Variants in TRAK2 observed in about 807,000 individuals in gnomAD.
TRAK2 encodes the protein trafficking kinesin protein 2.
Under a neutral mutation model 104.6 loss-of-function variants are expected in TRAK2, and 81 were observed. The observed-to-expected ratio is 0.77, with a 90% CI of 0.65 to 0.93. The LOEUF (loss-of-function observed/expected upper bound fraction) is 0.93. Among genes scored for constraint, TRAK2 ranks in the 40% least tolerant of loss-of-function variants. The probability of loss-of-function intolerance (pLI) is 0.00; values close to 1 mark genes in which losing one functional copy is unlikely to be tolerated. For synonymous variants in TRAK2, 406 were observed against 394.4 expected (o/e 1.03, Z -0.35); for missense variants, 1,002 against 1,089.0 (o/e 0.92, Z 1.12).
chr2:201,424,671 C>T (rs935267741), intron 1 of TRAK2, among the ~76,000 whole-genome samples: 10 of 151,758 alleles, frequency 6.6e-5, no homozygotes, highest in East Asian at 1.9e-4. Flanking sequence ...GGCACAATCT[C>T]GGCTCACTGC....
rs112231348 is a variant in TRAK2 at position 201,392,430 on chromosome 2, A to C, written c.1113+479T>G. Among the ~76,000 whole-genome samples, 960 of 152,320 alleles carry C rather than the reference A, an allele frequency of 6.3e-3. 13 individuals are homozygous for C. Among genetic ancestry groups the C allele is most frequent in the African/African-American group, 0.021 (888 of 41,584 alleles). On this transcript the variant is annotated intron_variant, in intron 10 of 15. Coordinates refer to ENST00000332624, the MANE Select transcript of TRAK2 (RefSeq NM_015049.3). ...TTACAAATTCTAATATAAACTCAGAAGTTTTTATTAATTTTTTAATACAAA... is the reference window on the plus strand; with the variant it reads ...TTACAAATTCTAATATAAACTCAGACGTTTTTATTAATTTTTTAATACAAA...
chr2:201,386,999 T>C (rs1951397606), intron 13 of TRAK2, among the ~76,000 whole-genome samples: 1 of 152,232 alleles, frequency 6.6e-6, no homozygotes. Flanking sequence ...AGATGCAATG[T>C]CTAATTATGT....
chr2:201,400,474 GA>G (rs746410691), intron 4 of TRAK2, among the ~76,000 whole-genome samples: 1 of 151,998 alleles, frequency 6.6e-6, no homozygotes. Flanking sequence ...GCTGGGGGGA[GA>G]GGGGAGAAGG....
intron 2 of TRAK2, chr2:201,412,434 A>G (rs1951655875): frequency 1.6e-6 from 2 of 1,254,328 alleles, no homozygotes; most frequent in South Asian, 2.4e-5. Flanking sequence ...GTATATTTAT[A>G]AGTGAACTAG....
chr2:201,430,689 T>TA (rs1431730922), intron 1 of TRAK2, among the ~76,000 whole-genome samples: 1 of 152,206 alleles, frequency 6.6e-6, no homozygotes, highest in Non-Finnish European at 1.5e-5. Context: ...AGCGCAGTAC[T>TA]AGGGTGGGAG....
At chr2:201,449,382 A>G (rs1190494937) in intron 1 of TRAK2, among the ~76,000 whole-genome samples, 2 of 152,038 alleles carry the variant, frequency 1.3e-5, no homozygotes, top group Non-Finnish European at 2.9e-5. Flanking sequence ...TGAGCCTCAG[A>G]TTAGTGTGAT....
intron 2 of TRAK2, among the ~76,000 whole-genome samples, chr2:201,409,750 C>T (rs902551645): frequency 6.6e-6 from 1 of 152,188 alleles, no homozygotes; most frequent in Non-Finnish European, 1.5e-5. Context: ...TTCTCACTGT[C>T]ATCTTAAATG....
chr2:201,392,927 T>C lies in TRAK2; in HGVS notation c.1095A>G (p.Ser365=). ...TGCTTACCCCAGTAAAAGCTCCATATGATTGGGAGAAGTAGAGATGAGCAG... is the reference window on the plus strand; with the variant it reads ...TGCTTACCCCAGTAAAAGCTCCATACGATTGGGAGAAGTAGAGATGAGCAG... ...GPTAHLYFSQ[S]YGAFTGESLA... is the part of the protein sequence containing the mutation. Residue 365 remains serine, a synonymous_variant, in exon 10 of 16, where the codon TCA becomes TCG. Transcript: ENST00000332624. 1 of 1,612,256 alleles carries C rather than the reference T, an allele frequency of 6.2e-7. No individual in the cohort carries two copies. Among genetic ancestry groups the C allele is most frequent in the Non-Finnish European group, 8.5e-7 (1 of 1,179,418 alleles).
intron 2 of TRAK2, chr2:201,410,703 C>G: frequency 1.4e-6 from 2 of 1,389,428 alleles, no homozygotes; most frequent in East Asian, 2.3e-5. Flanking sequence ...CTGAACTGCC[C>G]GTAGCTGGAG....
At chr2:201,449,750 A>C (rs1036008654) in intron 1 of TRAK2, among the ~76,000 whole-genome samples, 1 of 151,760 alleles carries the variant, frequency 6.6e-6, no homozygotes, top group African/African-American at 2.4e-5. Context: ...GGTTCAAGCA[A>C]TTCTTCTGCC....
intron 9 of TRAK2, among the ~76,000 whole-genome samples, chr2:201,393,780 C>T (rs1369440592): frequency 6.6e-6 from 1 of 152,194 alleles, no homozygotes; most frequent in Non-Finnish European, 1.5e-5. Flanking sequence ...CAAGATATCA[C>T]TCTGTTGCCC....
rs1951314347 is a variant in TRAK2 at position 201,379,104 on chromosome 2, C to G, written c.*1439G>C. ...ATTAGTCCCCTCTCTCATCTTTTCTCTATCATGTCTTTTGTATAAAGACAT... is the reference window on the plus strand; with the variant it reads ...ATTAGTCCCCTCTCTCATCTTTTCTGTATCATGTCTTTTGTATAAAGACAT... On this transcript the variant is annotated 3_prime_UTR_variant, in exon 16 of 16. Coordinates refer to ENST00000332624, the MANE Select transcript of TRAK2 (RefSeq NM_015049.3). The G allele has an allele frequency of 6.6e-6, 1 of 152,204 alleles. No homozygotes were observed. The highest frequency in any genetic ancestry group is 2.4e-5 in the African/African-American group (1 of 41,452). The allele number at this position is 152,204 out of a possible 1,614,324, so 9.4% of individuals were successfully genotyped here. A position where few individuals can be genotyped will look rare whatever the true frequency, so the allele number is the denominator to read the frequency against.
chr2:201,390,272 C>T (rs1043120757), intron 10 of TRAK2, among the ~76,000 whole-genome samples: 4 of 151,198 alleles, frequency 2.6e-5, no homozygotes, highest in Admixed American at 1.3e-4. Flanking sequence ...TGGCCGGGTG[C>T]GGTGGCTCAC....
intron 12 of TRAK2, among the ~76,000 whole-genome samples, chr2:201,388,633 T>C (rs562771145): frequency 6.6e-6 from 1 of 152,314 alleles, no homozygotes. Flanking sequence ...TGATATCAAA[T>C]GGAAGATCAG....
At position 201,411,034 on chromosome 2, in the gene TRAK2, T is replaced by C. The variant is rs1951641522; in HGVS notation, c.92-3437A>G. The C allele has an allele frequency of 1.1e-5, 14 of 1,312,050 alleles. No homozygotes were observed. The South Asian group carries it at 1.2e-4, about 11-fold the overall frequency. 81.3% of individuals were successfully genotyped at this position (1,312,050 alleles called of 1,614,324 possible). On this transcript the variant is annotated intron_variant, in intron 2 of 15. Transcript: ENST00000332624. ...ACATTTAGGCCATTTGTCAAATTTC[T>C]CTTTGTATTATCAACTGGTGTAGAA...
At chr2:201,433,453 G>A (rs750259857) in intron 1 of TRAK2, 3 of 152,136 alleles carry the variant, frequency 2.0e-5, no homozygotes, top group African/African-American at 7.2e-5. Flanking sequence ...CATGGAGGTC[G>A]CTCTACTTAC....
At chr2:201,431,640 G>A (rs369661105) in intron 1 of TRAK2, among the ~76,000 whole-genome samples, 20 of 152,128 alleles carry the variant, frequency 1.3e-4, no homozygotes, top group South Asian at 4.1e-4. Flanking sequence ...ATAATCTTCC[G>A]TCTCAAGATC....
chr2:201,413,499 T>C (rs1464617462), intron 2 of TRAK2, among the ~76,000 whole-genome samples: 1 of 152,134 alleles, frequency 6.6e-6, no homozygotes. Context: ...GGGAAAAGAC[T>C]GAAAGACCTA....
intron 2 of TRAK2, chr2:201,413,319 T>C (rs1212195130): frequency 1.7e-6 from 2 of 1,184,564 alleles, no homozygotes; most frequent in Non-Finnish European, 2.4e-6. Context: ...GGCTGCAATA[T>C]TGGGTAGTTA....
Sources: gnomAD v4.1 joint callset for allele counts (sites outside exome capture counted in the v4.1 genomes callset) on GRCh38, gnomAD v4.1.1 for gene constraint, MANE v1.5 for transcripts, NCBI Gene and HGNC (gene_info 2026-07-23, HGNC 2026-07-21) for gene names.